The following ADGRA3 variants were observed in gnomAD, a reference collection of about 807,000 sequenced individuals.
The protein encoded by ADGRA3 is G-protein coupled receptor 125.
A neutral mutation model predicts 119.8 loss-of-function variants in ADGRA3; 56 were observed. The ratio of observed to expected loss-of-function variants is 0.47; its 90% CI spans 0.38 to 0.58. The LOEUF (loss-of-function observed/expected upper bound fraction) is 0.58. ADGRA3 is among the 20% of genes least tolerant of loss of function. The pLI is 0.00. For missense variants in ADGRA3, 1,516 were observed against 1,649.0 expected, an observed-to-expected ratio of 0.92 and a Z score of 1.40; for synonymous variants, 607 against 623.8, an observed-to-expected ratio of 0.97 and a Z score of 0.40.
intron 2 of ADGRA3, among the ~76,000 whole-genome samples, chr4:22,468,032 C>G (rs1717723612): frequency 6.6e-6 from 1 of 152,158 alleles, no homozygotes; most frequent in Non-Finnish European, 1.5e-5. Flanking sequence ...AATTATCTGG[C>G]ATTACAGGAA....
At chr4:22,508,674 C>T (rs1212618080) in intron 1 of ADGRA3, among the ~76,000 whole-genome samples, 1 of 152,154 alleles carries the variant, frequency 6.6e-6, no homozygotes, top group Non-Finnish European at 1.5e-5. Context: ...TGGCTGCACT[C>T]ATCTGGCAAA....
chr4:22,475,452 G>A (rs1269057552), intron 1 of ADGRA3, among the ~76,000 whole-genome samples: 1 of 152,168 alleles, frequency 6.6e-6, no homozygotes, highest in Non-Finnish European at 1.5e-5. Flanking sequence ...ACACAATGAG[G>A]CCGGGGGCGG....
chr4:22,418,993 C>T (rs369062083), intron 12 of ADGRA3, among the ~76,000 whole-genome samples: 1 of 152,052 alleles, frequency 6.6e-6, no homozygotes, highest in African/African-American at 2.4e-5. Flanking sequence ...GAAGAGCCAG[C>T]CTAGAGACAC....
chr4:22,512,790 T>A (rs1376196375), intron 1 of ADGRA3, among the ~76,000 whole-genome samples: 9 of 152,170 alleles, frequency 5.9e-5, no homozygotes. Context: ...CCTCCAGAAC[T>A]ATGAGCGAAT....
chr4:22,450,154 A>C (rs1716981818), intron 4 of ADGRA3, among the ~76,000 whole-genome samples: 1 of 152,142 alleles, frequency 6.6e-6, no homozygotes, highest in South Asian at 2.1e-4. Context: ...TAAATAAATA[A>C]AACTAAGAGG....
In ADGRA3 at chr4:22,467,408, C is replaced by A. The variant is rs141662574; in HGVS notation, c.330-5600G>T. ...AAGATTATTTTATGAAAAAATTCAA[C>A]CTGTATGTTTTTGACTTGTTTTGCA... On this transcript the variant is annotated intron_variant, in intron 2 of 18. Coordinates refer to ENST00000334304, the MANE Select transcript of ADGRA3 (RefSeq NM_145290.4). 1.8e-3 allele frequency among the ~76,000 whole-genome samples: 276 copies of A among 152,280 alleles called. 2 individuals carry two copies. Among genetic ancestry groups the A allele is most frequent in the African/African-American group, 6.3e-3 (263 of 41,574 alleles).
chr4:22,398,729 A>G (rs190791460), intron 16 of ADGRA3, among the ~76,000 whole-genome samples: 1 of 152,214 alleles, frequency 6.6e-6, no homozygotes, highest in East Asian at 1.9e-4. Context: ...GCATTGCTAT[A>G]ATTCATTGGT....
At chr4:22,419,795 C>T (rs577346313) in intron 12 of ADGRA3, among the ~76,000 whole-genome samples, 8 of 151,892 alleles carry the variant, frequency 5.3e-5, no homozygotes, top group Admixed American at 2.0e-4. Flanking sequence ...ATATAAGACA[C>T]AATAAGGAAA....
intron 14 of ADGRA3, among the ~76,000 whole-genome samples, chr4:22,407,050 T>A (rs903973835): frequency 6.6e-6 from 1 of 152,074 alleles, no homozygotes; most frequent in South Asian, 2.1e-4. Context: ...GGCGGGTGGA[T>A]CACAAGGTCA....
At chr4:22,401,759 C>A (rs1714663994) in intron 15 of ADGRA3, among the ~76,000 whole-genome samples, 1 of 152,002 alleles carries the variant, frequency 6.6e-6, no homozygotes, top group Non-Finnish European at 1.5e-5. Flanking sequence ...CGTTTCTTAA[C>A]ATTTAACTTT....
At position 22,388,552 on chromosome 4, in the gene ADGRA3, G is replaced by A. The variant is rs1560291043; in HGVS notation, c.3119C>T (p.Ala1040Val). 2.5e-6 allele frequency: 4 copies of A among 1,614,022 alleles called. No individual in the cohort carries two copies. Among genetic ancestry groups the A allele is most frequent in the East Asian group, 2.2e-5 (1 of 44,856 alleles). ...AACACAATGGTGGACCACGAAGAAC[G>A]CACTGAAGCTTAAACTTGTGGCTCC... ...VFGATSLSFS[A>V]FFVVHHCVNR... Residue 1040 changes from alanine (A) to valine (V), a missense_variant, in exon 19 of 19, where the codon GCG becomes GTG. Ala to Val is a moderately conservative substitution (Grantham distance 64, BLOSUM62 0). Transcript: ENST00000334304.
chr4:22,470,320 T>TAAA (rs35417919), intron 2 of ADGRA3, among the ~76,000 whole-genome samples: 56 of 141,314 alleles, frequency 4.0e-4, no homozygotes, highest in Middle Eastern at 3.8e-3. Context: ...GCTCCTAAAT[T>TAAA]AAAAAAAAAA....
intron 1 of ADGRA3, among the ~76,000 whole-genome samples, chr4:22,492,380 T>G (rs958639047): frequency 2.6e-5 from 4 of 152,196 alleles, no homozygotes; most frequent in African/African-American, 9.6e-5. Flanking sequence ...TAACTCACCG[T>G]TTTCCTTCAA....
In ADGRA3 at chr4:22,443,603, TA is replaced by T. The variant is rs544732197; in HGVS notation, c.707-741del. On this transcript the variant is annotated intron_variant, in intron 6 of 18. Transcript: ENST00000334304. ...TATTAACGAGCTAAATATGCTGTAA[TA>T]GAGAAGTTGTTAAACTATGGCTTCA... Among the ~76,000 whole-genome samples the T allele has an allele frequency of 3.9e-5, 6 of 152,274 alleles. No homozygotes were observed. In the South Asian group the frequency reaches 1.2e-3, roughly 32 times the overall value.
intron 3 of ADGRA3, among the ~76,000 whole-genome samples, chr4:22,459,373 G>T (rs1474376954): frequency 6.6e-6 from 1 of 151,764 alleles, no homozygotes; most frequent in Non-Finnish European, 1.5e-5. Context: ...TGAGTACTAG[G>T]CTTAATACCT....
intron 1 of ADGRA3, among the ~76,000 whole-genome samples, chr4:22,510,008 T>A (rs1437490139): frequency 5.1e-4 from 14 of 27,580 alleles, no homozygotes; most frequent in Admixed American, 4.6e-4. Flanking sequence ...AGACTCCGTC[T>A]CAAAAAAAAA....
chr4:22,411,001 T>C (rs1162969984), intron 14 of ADGRA3, among the ~76,000 whole-genome samples: 1 of 152,258 alleles, frequency 6.6e-6, no homozygotes, highest in East Asian at 1.9e-4. Context: ...AAAAGGATTA[T>C]ACTAATTTAA....
chr4:22,459,045 A>G (rs1717348313), intron 3 of ADGRA3, among the ~76,000 whole-genome samples: 2 of 152,292 alleles, frequency 1.3e-5, no homozygotes, highest in South Asian at 4.1e-4. Flanking sequence ...TACCTTTCTT[A>G]ATCTTACAGA....
intron 1 of ADGRA3, among the ~76,000 whole-genome samples, chr4:22,505,504 A>G (rs533908324): frequency 2.0e-5 from 3 of 151,792 alleles, no homozygotes; most frequent in Non-Finnish European, 4.4e-5. Context: ...AAAATTAGCT[A>G]GGCATGGTGG....
Sources: allele counts gnomAD v4.1 joint callset (sites outside exome capture counted in the v4.1 genomes callset), GRCh38; gene constraint gnomAD v4.1.1; transcripts MANE v1.5; gene names NCBI Gene and HGNC (gene_info 2026-07-23, HGNC 2026-07-21).